ACTR3C: variants seen among roughly 807,000 people sequenced by gnomAD.
The protein encoded by ACTR3C is actin-related protein 3C.
A neutral mutation model predicts 26.3 loss-of-function variants in ACTR3C; 18 were observed. The ratio of observed to expected loss-of-function variants is 0.68; its 90% CI spans 0.47 to 1.01. The LOEUF is 1.01. Among genes scored for constraint, ACTR3C ranks in the 50% least tolerant of loss-of-function variants. The pLI, the probability that ACTR3C is intolerant of heterozygous loss-of-function variation, is 0.00. For missense variants in ACTR3C, 184 were observed against 250.7 expected, an observed-to-expected ratio of 0.73 and a Z score of 1.80; for synonymous variants, 55 against 94.5, an observed-to-expected ratio of 0.58 and a Z score of 2.42.
chr7:149,986,517 C>T, the ACTR3C span, among the ~76,000 whole-genome samples: 10,960 of 152,204 alleles, frequency 0.072, 1,250 homozygotes, highest in African/African-American at 0.25. Flanking sequence ...TTTTCTGTTT[C>T]GTGTAACACA....
the ACTR3C span, among the ~76,000 whole-genome samples, chr7:150,014,893 A>G: frequency 1.3e-5 from 2 of 152,188 alleles, no homozygotes; most frequent in Non-Finnish European, 2.9e-5. Flanking sequence ...TCCAAAAGCC[A>G]TGCTTTCCTC....
At chr7:150,304,380 G>A (rs1292690662) in intron 1 of ACTR3C, among the ~76,000 whole-genome samples, 1 of 152,140 alleles carries the variant, frequency 6.6e-6, no homozygotes. Flanking sequence ...TTTACCTAGA[G>A]ATTTCAAGAT....
the ACTR3C span, among the ~76,000 whole-genome samples, chr7:150,161,220 A>ATTTTTTTTTTTTTTTTTTT: frequency 7.7e-6 from 1 of 129,760 alleles, no homozygotes; most frequent in African/African-American, 3.3e-5. Context: ...ATATATATAT[A>ATTTTTTTTTTTTTTTTTTT]TATATTTATT....
the ACTR3C span, among the ~76,000 whole-genome samples, chr7:150,081,641 T>C: frequency 1.1e-4 from 16 of 151,434 alleles, no homozygotes; most frequent in Non-Finnish European, 1.5e-4. Flanking sequence ...CATTTGTGTG[T>C]AGAATCATTT....
At chr7:150,068,014 T>C in the ACTR3C span, among the ~76,000 whole-genome samples, 2 of 152,156 alleles carry the variant, frequency 1.3e-5, no homozygotes, top group Admixed American at 6.5e-5. Flanking sequence ...ATATGTCAGA[T>C]TGCAAAGAAA....
At chr7:149,918,367 A>T in the ACTR3C span, among the ~76,000 whole-genome samples, 2 of 152,140 alleles carry the variant, frequency 1.3e-5, no homozygotes, top group African/African-American at 4.8e-5. Context: ...AAAGCAAAAA[A>T]AATTTTTAAG....
the ACTR3C span, among the ~76,000 whole-genome samples, chr7:150,197,526 C>G: frequency 6.6e-6 from 1 of 152,136 alleles, no homozygotes; most frequent in Non-Finnish European, 1.5e-5. Context: ...CTTTTTTTCT[C>G]CTGTTTTAAA....
chr7:149,898,617 A>C, the ACTR3C span, among the ~76,000 whole-genome samples: 1 of 149,608 alleles, frequency 6.7e-6, no homozygotes, highest in East Asian at 1.9e-4. Context: ...GTGAGACAGG[A>C]GAATTGCTTG....
chr7:150,001,470 G>C, the ACTR3C span: 2 of 152,298 alleles, frequency 1.3e-5, no homozygotes, highest in Non-Finnish European at 2.9e-5. Flanking sequence ...CCAAATTTCT[G>C]CCACGTGCTC....
chr7:149,947,597 T>A, the ACTR3C span, among the ~76,000 whole-genome samples: 1 of 102,622 alleles, frequency 9.7e-6, no homozygotes. Context: ...CCAAGCATCC[T>A]GGAGGGCTTC....
chr7:150,149,640 G>T, the ACTR3C span, among the ~76,000 whole-genome samples: 1 of 151,910 alleles, frequency 6.6e-6, no homozygotes, highest in African/African-American at 2.4e-5. Context: ...ATGGTTTCCA[G>T]CTTCATCCAT....
At chr7:150,038,977 C>G in the ACTR3C span, among the ~76,000 whole-genome samples, 1 of 92,460 alleles carries the variant, frequency 1.1e-5, no homozygotes, top group Non-Finnish European at 2.3e-5. Flanking sequence ...CCTCCCCCTC[C>G]TGCGATCGGG....
the ACTR3C span, among the ~76,000 whole-genome samples, chr7:150,095,361 G>A: frequency 2.7e-5 from 4 of 150,632 alleles, no homozygotes; most frequent in African/African-American, 5.0e-5. Flanking sequence ...CAGGCCAACC[G>A]GGGAAGCCCT....
At chr7:150,042,659 G>C in the ACTR3C span, among the ~76,000 whole-genome samples, 2 of 151,866 alleles carry the variant, frequency 1.3e-5, no homozygotes, top group African/African-American at 4.8e-5. Flanking sequence ...ACAAAATGGG[G>C]GGCCTTTATG....
chr7:150,037,213 A>ACCTTCGCGGGGGGTGC, the ACTR3C span, among the ~76,000 whole-genome samples: 1 of 39,976 alleles, frequency 2.5e-5, no homozygotes, highest in African/African-American at 1.1e-4. Flanking sequence ...AGCTCTCAGT[A>ACCTTCGCGGGGGGTGC]ATCCCACGTA....
the ACTR3C span, among the ~76,000 whole-genome samples, chr7:150,215,600 C>G: frequency 6.6e-6 from 1 of 152,160 alleles, no homozygotes; most frequent in African/African-American, 2.4e-5. Context: ...AATAACTCAT[C>G]CCTTTTGGCT....
the ACTR3C span, among the ~76,000 whole-genome samples, chr7:150,179,378 C>T: frequency 1.4e-5 from 2 of 141,150 alleles, no homozygotes; most frequent in South Asian, 4.5e-4. Context: ...TAAGAAATAC[C>T]CTTTCAGTTA....
the ACTR3C span, chr7:150,073,925 G>A: frequency 6.6e-6 from 1 of 152,140 alleles, no homozygotes; most frequent in Admixed American, 6.5e-5. Context: ...TCCTTGATGG[G>A]GGACTGAGAA....
chr7:150,026,992 C>T, the ACTR3C span, among the ~76,000 whole-genome samples: 3 of 151,720 alleles, frequency 2.0e-5, no homozygotes, highest in Non-Finnish European at 4.4e-5. Context: ...AAAATCAAAC[C>T]GAGGCTTAAG....
Sources: gnomAD v4.1 joint callset for allele counts (sites outside exome capture counted in the v4.1 genomes callset) on GRCh38, gnomAD v4.1.1 for gene constraint, MANE v1.5 for transcripts, NCBI Gene and HGNC (gene_info 2026-07-23, HGNC 2026-07-21) for gene names.